REEP3: variants seen among roughly 807,000 people sequenced by gnomAD.
The protein encoded by REEP3 is receptor expression-enhancing protein 3.
A neutral mutation model predicts 41.3 loss-of-function variants in REEP3; 20 were observed. The observed-to-expected ratio is 0.48, with a 90% CI of 0.34 to 0.70. The LOEUF (loss-of-function observed/expected upper bound fraction) is 0.70. Among genes scored for constraint, REEP3 ranks in the 30% least tolerant of loss-of-function variants. The probability of loss-of-function intolerance (pLI) is 0.01; values close to 1 mark genes in which losing one functional copy is unlikely to be tolerated. For missense variants in REEP3, 271 were observed against 308.8 expected, an observed-to-expected ratio of 0.88 and a Z score of 0.92; for synonymous variants, 104 against 101.8, an observed-to-expected ratio of 1.02 and a Z score of -0.13.
chr10:63,616,780 A>G (rs1009347455), intron 6 of REEP3, among the ~76,000 whole-genome samples: 1 of 152,204 alleles, frequency 6.6e-6, no homozygotes, highest in Non-Finnish European at 1.5e-5. Flanking sequence ...CAGGAATACT[A>G]TATAAGCAAA....
At chr10:63,606,080 C>T in intron 5 of REEP3, 2 of 926,950 alleles carry the variant, frequency 2.2e-6, no homozygotes, top group Non-Finnish European at 2.6e-6. Flanking sequence ...ACATTCTCAT[C>T]ATAATCTCTG....
intron 1 of REEP3, among the ~76,000 whole-genome samples, chr10:63,560,228 G>A (rs2133370057): frequency 6.6e-6 from 1 of 152,032 alleles, no homozygotes; most frequent in African/African-American, 2.4e-5. Context: ...TTTTTAAAAA[G>A]AATGACAAGA....
intron 2 of REEP3, among the ~76,000 whole-genome samples, chr10:63,571,939 T>C (rs1333139347): frequency 2.0e-5 from 3 of 152,176 alleles, no homozygotes; most frequent in Non-Finnish European, 4.4e-5. Flanking sequence ...AGGTGAAGAT[T>C]CTAGCTTCAC....
chr10:63,554,999 AT>A (rs1034726627), intron 1 of REEP3, among the ~76,000 whole-genome samples: 1 of 151,904 alleles, frequency 6.6e-6, no homozygotes, highest in Non-Finnish European at 1.5e-5. Flanking sequence ...CTGTAGCTTG[AT>A]TTTTTTTCCC....
At chr10:63,619,877 G>T in intron 7 of REEP3, 77 bp downstream of exon 7, 3 of 950,722 alleles carry the variant, frequency 3.2e-6, no homozygotes, top group Non-Finnish European at 4.5e-6. Flanking sequence ...GGATATTAAT[G>T]ATCCATAAAT....
At chr10:63,523,021 A>C (rs1238049308) in intron 1 of REEP3, among the ~76,000 whole-genome samples, 2 of 18,946 alleles carry the variant, frequency 1.1e-4, no homozygotes, top group Non-Finnish European at 3.6e-4. Context: ...TGTACTTTAC[A>C]AAAAAAAAAA....
Position 63,536,691 on chromosome 10 carries a change from G to T in REEP3, c.32+15114G>T, listed in dbSNP as rs547543399. 4.6e-5 allele frequency among the ~76,000 whole-genome samples: 7 copies of T among 152,106 alleles called. No individual in the cohort carries two copies. In the East Asian group the frequency reaches 9.6e-4, roughly 21 times the overall value. The stretch of plus-strand genomic sequence containing the variant: ...AAAAAAAATTAACCTAAAAAGAAAA[G>T]TGGACAAATGAACTGGTATCTCATA... On this transcript the variant is annotated intron_variant, in intron 1 of 7. Transcript: ENST00000373758.
intron 1 of REEP3, 21 bp from the exon 2 acceptor site, chr10:63,566,317 T>A: frequency 7.0e-7 from 1 of 1,418,992 alleles, no homozygotes; most frequent in South Asian, 1.2e-5. Flanking sequence ...TGAACAGTAT[T>A]CTCATTTTTT....
Position 63,560,009 on chromosome 10 carries a change from T to G in REEP3, c.33-6329T>G, listed in dbSNP as rs575479191. ...AAAATCTCTATATGCTCTAAGGTGT[T>G]AATTATGTTTTAAATTATCTTCTAA... On this transcript the variant is annotated intron_variant, in intron 1 of 7. Coordinates refer to ENST00000373758, the MANE Select transcript of REEP3 (RefSeq NM_001001330.3). 1.6e-3 allele frequency among the ~76,000 whole-genome samples: 236 copies of G among 152,250 alleles called. 2 individuals carry two copies. Among genetic ancestry groups the G allele is most frequent in the African/African-American group, 5.2e-3 (216 of 41,572 alleles).
intron 2 of REEP3, among the ~76,000 whole-genome samples, chr10:63,580,404 T>C (rs1441564439): frequency 1.3e-5 from 2 of 152,188 alleles, no homozygotes; most frequent in Non-Finnish European, 2.9e-5. Flanking sequence ...CTCAGAGTGC[T>C]GGAATTACAG....
At chr10:63,584,513 T>C (rs963319443) in intron 2 of REEP3, among the ~76,000 whole-genome samples, 3 of 151,262 alleles carry the variant, frequency 2.0e-5, no homozygotes, top group Non-Finnish European at 4.4e-5. Flanking sequence ...TTTTCAACCA[T>C]GCCTCTAACT....
At chr10:63,562,086 G>A (rs1955745277) in intron 1 of REEP3, among the ~76,000 whole-genome samples, 1 of 152,098 alleles carries the variant, frequency 6.6e-6, no homozygotes, top group South Asian at 2.1e-4. Context: ...TTTTTCCTTA[G>A]ATGTCTCTAA....
In REEP3 at chr10:63,624,466, T is replaced by C. The variant is rs1956381119; in HGVS notation, c.*3597T>C. ...AGTTAAGAGAAAATAAGTTTGCAGATTTTTAATAATCTGTTTGTAAAAGGC... is the reference window on the plus strand; with the variant it reads ...AGTTAAGAGAAAATAAGTTTGCAGACTTTTAATAATCTGTTTGTAAAAGGC... On this transcript the variant is annotated 3_prime_UTR_variant, in exon 8 of 8. Coordinates refer to ENST00000373758, the MANE Select transcript of REEP3 (RefSeq NM_001001330.3). 1 of 151,980 alleles carries C rather than the reference T, an allele frequency of 6.6e-6. No individual in the cohort carries two copies. Among genetic ancestry groups the C allele is most frequent in the Non-Finnish European group, 1.5e-5 (1 of 67,908 alleles). 9.4% of individuals were successfully genotyped at this position (151,980 alleles called of 1,614,324 possible).
intron 1 of REEP3, among the ~76,000 whole-genome samples, chr10:63,554,101 C>CAA (rs11298394): frequency 8.9e-4 from 98 of 110,388 alleles, no homozygotes; most frequent in Admixed American, 6.7e-4. Context: ...GACTCCGTCT[C>CAA]AAAAAAAAAA....
chr10:63,589,783 A>ATTTT (rs1317265731), intron 2 of REEP3, among the ~76,000 whole-genome samples: 14 of 82,554 alleles, frequency 1.7e-4, no homozygotes, highest in South Asian at 4.0e-4. Context: ...ACAGCAGAAC[A>ATTTT]TCTTTTTTTT....
At chr10:63,576,135 C>T (rs1955896919) in intron 2 of REEP3, among the ~76,000 whole-genome samples, 1 of 152,116 alleles carries the variant, frequency 6.6e-6, no homozygotes, top group Non-Finnish European at 1.5e-5. Context: ...TGGATGATCT[C>T]GGGTTCTCTG....
chr10:63,548,371 G>T (rs1371378244), intron 1 of REEP3, among the ~76,000 whole-genome samples: 1 of 151,832 alleles, frequency 6.6e-6, no homozygotes, highest in Admixed American at 6.6e-5. Context: ...TTCAAATTTG[G>T]CCTAAAAATT....
intron 1 of REEP3, among the ~76,000 whole-genome samples, chr10:63,543,705 G>A (rs535971689): frequency 6.6e-5 from 10 of 151,944 alleles, no homozygotes; most frequent in Non-Finnish European, 1.2e-4. Flanking sequence ...TACCTACTAC[G>A]TATCAGGCCT....
rs894669965 is a variant in REEP3 at position 63,623,947 on chromosome 10, A to T, written c.*3078A>T. The T allele has an allele frequency of 2.0e-5, 3 of 153,256 alleles. No homozygotes were observed. Among genetic ancestry groups the T allele is most frequent in the South Asian group, 4.1e-4 (2 of 4,886 alleles). The allele number at this position is 153,256 out of a possible 1,614,324, so 9.5% of individuals were successfully genotyped here. On this transcript the variant is annotated 3_prime_UTR_variant, in exon 8 of 8. Coordinates refer to ENST00000373758, the MANE Select transcript of REEP3 (RefSeq NM_001001330.3). Reference sequence around the variant, plus strand: ...CTACAGTGTTATAAAGTATATAAATATTCCAAATTTCTGTGGTTAAATATT... The same window carrying T: ...CTACAGTGTTATAAAGTATATAAATTTTCCAAATTTCTGTGGTTAAATATT...
Sources: allele counts gnomAD v4.1 joint callset (sites outside exome capture counted in the v4.1 genomes callset), GRCh38; gene constraint gnomAD v4.1.1; transcripts MANE v1.5; gene names NCBI Gene and HGNC (gene_info 2026-07-23, HGNC 2026-07-21).